Variants in DNAH6 observed in about 807,000 individuals in gnomAD.
DNAH6 encodes the protein dynein axonemal heavy chain 6.
A neutral mutation model predicts 491.4 loss-of-function variants in DNAH6; 340 were observed. The ratio of observed to expected loss-of-function variants is 0.69; its 90% CI spans 0.63 to 0.76. The LOEUF is 0.76. Ranked by LOEUF, DNAH6 falls within the 30% of genes least tolerant of loss-of-function variation. The pLI, the probability that DNAH6 is intolerant of heterozygous loss-of-function variation, is 0.00. For missense variants in DNAH6, 4,443 were observed against 4,972.2 expected, an observed-to-expected ratio of 0.89 and a Z score of 3.20; for synonymous variants, 1,603 against 1,686.1, an observed-to-expected ratio of 0.95 and a Z score of 1.21.
chr2:84,800,695 G>GA (rs1678802493), intron 70 of DNAH6, among the ~76,000 whole-genome samples: 1 of 151,934 alleles, frequency 6.6e-6, no homozygotes, highest in South Asian at 2.1e-4. Flanking sequence ...AACCCAGTCA[G>GA]AAAAAAATAA....
chr2:84,584,493 T>C (rs1683345952), intron 15 of DNAH6: 7 of 430,814 alleles, frequency 1.6e-5, no homozygotes, highest in Non-Finnish European at 2.9e-5. Context: ...GAGAACACAT[T>C]TAACTGATGT....
chr2:84,646,437 G>A (rs559345743), intron 33 of DNAH6, among the ~76,000 whole-genome samples: 9 of 152,002 alleles, frequency 5.9e-5, no homozygotes, highest in South Asian at 4.1e-4. Context: ...AGCTGGAAAC[G>A]ATTAAGCTTA....
Position 84,658,279 on chromosome 2 carries a change from G to T in DNAH6, c.5758-13G>T, listed in dbSNP as rs1292461865. ...ATCAGGTCTTGCTAAACTATCATTT[G>T]TTTCATTTTCAGCTGACTGAGGAAA... is the stretch of plus-strand genomic sequence containing the variant. On this transcript the variant is annotated splice_polypyrimidine_tract_variant and intron_variant, in intron 35 of 76. Transcript: ENST00000389394. 1 of 1,494,494 alleles carries T rather than the reference G, an allele frequency of 6.7e-7. No homozygotes were observed. Among genetic ancestry groups the T allele is most frequent in the Non-Finnish European group, 8.9e-7 (1 of 1,117,892 alleles). The allele number at this position is 1,494,494 out of a possible 1,614,324, so 92.6% of individuals were successfully genotyped here.
chr2:84,624,216 T>A (rs751845005), intron 26 of DNAH6, 49 bp from the exon 27 acceptor site: 2 of 1,478,796 alleles, frequency 1.4e-6, no homozygotes, highest in South Asian at 1.4e-5. Context: ...AATGTATATA[T>A]GTAAGCTGAT....
At chr2:84,750,076 A>G (rs1449416684) in intron 63 of DNAH6, among the ~76,000 whole-genome samples, 1 of 152,128 alleles carries the variant, frequency 6.6e-6, no homozygotes, top group Non-Finnish European at 1.5e-5. Context: ...ATACATTTAT[A>G]ATTTATTCAG....
chr2:84,560,973 C>T (rs1680607168), intron 11 of DNAH6, among the ~76,000 whole-genome samples: 1 of 151,112 alleles, frequency 6.6e-6, no homozygotes, highest in Non-Finnish European at 1.5e-5. Flanking sequence ...GGGTATATAC[C>T]CAGTAATGGG....
Position 84,621,267 on chromosome 2 carries a change from C to T in DNAH6, c.3869C>T (p.Thr1290Ile). The T allele has an allele frequency of 6.4e-7, 1 of 1,551,642 alleles. No individual in the cohort carries two copies. Among genetic ancestry groups the T allele is most frequent in the Non-Finnish European group, 8.7e-7 (1 of 1,146,930 alleles). Residue 1290 changes from threonine (T) to isoleucine (I), a missense_variant, in exon 25 of 77, where the codon ACA becomes ATA. Thr to Ile is a moderately conservative substitution (Grantham distance 89, BLOSUM62 -1). Transcript: ENST00000389394. ...GGTAAAGTGGAAGAAGCCATGTTCA[C>T]ATCTCTGCGTCGCCTGTGCAAAGCT... is the stretch of plus-strand genomic sequence containing the variant. ...WLGKVEEAMF[T>I]SLRRLCKAAI...
intron 68 of DNAH6, among the ~76,000 whole-genome samples, chr2:84,796,072 A>C (rs375482046): frequency 1.8e-4 from 27 of 152,234 alleles, no homozygotes; most frequent in African/African-American, 6.5e-4. Flanking sequence ...TTAGTCTCTG[A>C]AAACTAAAAC....
At chr2:84,631,966 C>T (rs761955450) in intron 29 of DNAH6, among the ~76,000 whole-genome samples, 1 of 152,208 alleles carries the variant, frequency 6.6e-6, no homozygotes, top group Non-Finnish European at 1.5e-5. Flanking sequence ...CCAAGAGAAA[C>T]CTTGGTTCCC....
chr2:84,594,947 T>A (rs2104172741), intron 17 of DNAH6, among the ~76,000 whole-genome samples: 1 of 152,290 alleles, frequency 6.6e-6, no homozygotes, highest in South Asian at 2.1e-4. Flanking sequence ...CTCCTTTAAC[T>A]CATTTATCAA....
the DNAH6 span, among the ~76,000 whole-genome samples, chr2:84,492,023 C>G: frequency 6.6e-6 from 1 of 152,176 alleles, no homozygotes; most frequent in African/African-American, 2.4e-5. Flanking sequence ...GGAGGTCTAA[C>G]TACCAGTGCT....
chr2:84,659,537 T>G (rs1364756065), intron 37 of DNAH6, among the ~76,000 whole-genome samples: 1 of 152,210 alleles, frequency 6.6e-6, no homozygotes, highest in Non-Finnish European at 1.5e-5. Context: ...TAAGTAAATA[T>G]GTTGAGAATA....
intron 2 of DNAH6, among the ~76,000 whole-genome samples, chr2:84,519,534 G>A (rs1433079342): frequency 1.3e-5 from 2 of 151,942 alleles, no homozygotes; most frequent in East Asian, 3.9e-4. Context: ...TATAGAGTTG[G>A]TAAGAATGTA....
intron 67 of DNAH6, among the ~76,000 whole-genome samples, chr2:84,786,959 G>A (rs1677259981): frequency 6.6e-6 from 1 of 152,056 alleles, no homozygotes; most frequent in South Asian, 2.1e-4. Context: ...TTTTCTTTTG[G>A]AAATATGGGG....
Position 84,808,483 on chromosome 2 carries a change from T to G in DNAH6, c.11680T>G (p.Leu3894Val). The part of the protein sequence containing the change: ...VKDLQGRLNS[L>V]TTVLGQEVDR... Reference sequence around the variant, plus strand: ...GGATCTTCAAGGACGTCTGAACTCCTTGACCACCGTTCTTGGACAGGAAGT... The same window carrying G: ...GGATCTTCAAGGACGTCTGAACTCCGTGACCACCGTTCTTGGACAGGAAGT... The change falls in exon 72 of 77, where the codon TTG (leucine) becomes GTG (valine). Residue 3894 changes from leucine (L) to valine (V), a missense_variant. Transcript: ENST00000389394. 6.4e-7 allele frequency: 1 copy of G among 1,551,634 alleles called. No homozygotes were observed. The highest frequency in any genetic ancestry group is 8.7e-7 in the Non-Finnish European group (1 of 1,146,944).
intron 60 of DNAH6, 117 bp downstream of exon 60, chr2:84,722,921 G>A: frequency 1.5e-6 from 1 of 665,190 alleles, no homozygotes; most frequent in Non-Finnish European, 2.4e-6. Context: ...TCTCCCAGGT[G>A]CATGCAAGGT....
chr2:84,545,643 C>T (rs560083798), intron 5 of DNAH6, among the ~76,000 whole-genome samples: 1 of 152,196 alleles, frequency 6.6e-6, no homozygotes, highest in East Asian at 1.9e-4. Flanking sequence ...AATTTAGTCC[C>T]AGCAGACTAG....
rs1206388065 is a variant in DNAH6 at position 84,681,446 on chromosome 2, C to T, written c.6834C>T (p.Asn2278=). 6 of 1,551,412 alleles carry T rather than the reference C, an allele frequency of 3.9e-6. No individual in the cohort carries two copies. The highest frequency in any genetic ancestry group is 5.2e-6 in the Non-Finnish European group (6 of 1,146,868). The change falls in exon 42 of 77, where the codon AAC becomes AAT. Residue 2278 remains asparagine (N), a synonymous_variant. Transcript: ENST00000389394. The stretch of plus-strand genomic sequence containing the variant: ...TAGAAGCCTCAGTTGAGATTTATAA[C>T]AAAATGAGTGTTGACCTCCTGCCAA... The part of the protein sequence containing the change: ...SIVEASVEIY[N]KMSVDLLPTP...
intron 46 of DNAH6, 26 bp downstream of exon 46, chr2:84,694,506 G>A (rs1695194564): frequency 6.6e-7 from 1 of 1,509,602 alleles, no homozygotes; most frequent in South Asian, 1.2e-5. Context: ...GCCCATGGGT[G>A]AGAACAGGAA....
Sources: gnomAD v4.1 joint callset for allele counts (sites outside exome capture counted in the v4.1 genomes callset) on GRCh38, gnomAD v4.1.1 for gene constraint, MANE v1.5 for transcripts, NCBI Gene and HGNC (gene_info 2026-07-23, HGNC 2026-07-21) for gene names.